The following PTGFRN variants were observed in gnomAD, a reference collection of about 807,000 sequenced individuals.
The protein encoded by PTGFRN is prostaglandin F2 receptor negative regulator.
In PTGFRN, 35 loss-of-function variants were observed where a neutral mutation model predicts 83.2. The observed-to-expected ratio is 0.42, with a 90% CI of 0.32 to 0.56. The LOEUF (loss-of-function observed/expected upper bound fraction) is 0.56, where lower values mean the gene tolerates loss of function less well. Ranked by LOEUF, PTGFRN falls within the 20% of genes least tolerant of loss-of-function variation. The probability of loss-of-function intolerance (pLI) is 0.11; values close to 1 mark genes in which losing one functional copy is unlikely to be tolerated. For synonymous variants in PTGFRN, 519 were observed against 498.6 expected (o/e 1.04, Z -0.55); for missense variants, 1,051 against 1,179.5 (o/e 0.89, Z 1.60).
intron 4 of PTGFRN, among the ~76,000 whole-genome samples, chr1:116,960,867 A>T (rs1376585448): frequency 2.6e-5 from 4 of 152,116 alleles, no homozygotes; most frequent in Non-Finnish European, 2.9e-5. Context: ...CTTACTTGGC[A>T]TTCCAGAGCA....
intron 7 of PTGFRN, among the ~76,000 whole-genome samples, chr1:116,980,379 A>G (rs7552382): frequency 0.34 from 51,941 of 152,148 alleles, 9,240 homozygotes; most frequent in East Asian, 0.46. Flanking sequence ...AGGATTATAA[A>G]TAAATCTGCT....
intron 7 of PTGFRN, among the ~76,000 whole-genome samples, chr1:116,982,033 C>G (rs183620968): frequency 6.6e-6 from 1 of 152,218 alleles, no homozygotes; most frequent in Non-Finnish European, 1.5e-5. Flanking sequence ...GAAGCCACTC[C>G]TGTACCTGAG....
At chr1:116,953,580 G>A (rs1650402818) in intron 4 of PTGFRN, among the ~76,000 whole-genome samples, 1 of 151,950 alleles carries the variant, frequency 6.6e-6, no homozygotes, top group African/African-American at 2.4e-5. Context: ...TTTCTTGGTG[G>A]TGGCGATGAT....
At chr1:116,932,594 G>C (rs1471463699) in intron 1 of PTGFRN, among the ~76,000 whole-genome samples, 1 of 150,488 alleles carries the variant, frequency 6.6e-6, no homozygotes, top group Admixed American at 6.6e-5. Flanking sequence ...AAAAATTTTT[G>C]AAGAAATTTT....
intron 1 of PTGFRN, among the ~76,000 whole-genome samples, chr1:116,913,155 G>T (rs561522616): frequency 6.6e-6 from 1 of 152,216 alleles, no homozygotes; most frequent in Non-Finnish European, 1.5e-5. Context: ...CTAACCACAG[G>T]ACTGAATGAA....
At chr1:116,977,166 G>T (rs1285614907) in intron 7 of PTGFRN, among the ~76,000 whole-genome samples, 1 of 152,138 alleles carries the variant, frequency 6.6e-6, no homozygotes, top group Non-Finnish European at 1.5e-5. Flanking sequence ...TCAACAAGAA[G>T]AACTAACTAT....
chr1:116,973,376 G>A (rs570613425), intron 6 of PTGFRN, among the ~76,000 whole-genome samples: 17 of 152,014 alleles, frequency 1.1e-4, no homozygotes, highest in Non-Finnish European at 1.0e-4. Flanking sequence ...TTTGGGAGGC[G>A]GGCAGATCAC....
chr1:116,948,761 A>G (rs1246795175), intron 3 of PTGFRN, among the ~76,000 whole-genome samples: 1 of 152,252 alleles, frequency 6.6e-6, no homozygotes, highest in Non-Finnish European at 1.5e-5. Flanking sequence ...AAAAGATAGC[A>G]TAACAGTGAA....
chr1:116,987,930 G>T lies in PTGFRN; in HGVS notation c.*963G>T, dbSNP rs1651555837. On this transcript the variant is annotated 3_prime_UTR_variant, in exon 9 of 9. Coordinates refer to ENST00000393203, the MANE Select transcript of PTGFRN (RefSeq NM_020440.4). The stretch of plus-strand genomic sequence containing the variant: ...AGGGTCAGAGTGGTGCCAGGTGCAA[G>T]TTAGGCTAAAGAAGCCACCACTATT... The T allele has an allele frequency of 6.6e-6, 1 of 152,248 alleles. No homozygotes were observed. The highest frequency in any genetic ancestry group is 1.5e-5 in the Non-Finnish European group (1 of 68,050). 9.4% of individuals were successfully genotyped at this position (152,248 alleles called of 1,614,324 possible). A position where few individuals can be genotyped will look rare whatever the true frequency, so the allele number is the denominator to read the frequency against.
chr1:116,966,758 C>G (rs193095484), intron 5 of PTGFRN, among the ~76,000 whole-genome samples, 153 bp from the exon 6 acceptor site: 33 of 152,346 alleles, frequency 2.2e-4, no homozygotes, highest in Admixed American at 1.6e-3. Flanking sequence ...TATAGATACA[C>G]ATGATTTTCT....
Position 116,986,931 on chromosome 1 carries a change from CGAGCG to C in PTGFRN, c.2605_2609del (p.Glu869ProfsTer35). 6.2e-7 allele frequency: 1 copy of C among 1,614,244 alleles called. No individual in the cohort carries two copies. The highest frequency in any genetic ancestry group is 8.5e-7 in the Non-Finnish European group (1 of 1,180,046). ...AGAAGGAGGTTCAGGAGACACGGCG[CGAGCG>C]CCGCAGGCTCATGTCGATGGAGATG... On this transcript the variant is annotated frameshift_variant, in exon 9 of 9. Transcript: ENST00000393203. LOFTEE classifies it high-confidence loss of function.
At chr1:116,966,855 AT>A in intron 5 of PTGFRN, 55 bp from the exon 6 acceptor site, 1 of 1,510,294 alleles carries the variant, frequency 6.6e-7, no homozygotes. Context: ...TTTTAGTTGC[AT>A]TTTTATTTTA....
chr1:116,954,767 C>CT (rs35112973), intron 4 of PTGFRN, among the ~76,000 whole-genome samples: 92,288 of 152,040 alleles, frequency 0.61, 28,861 homozygotes, highest in Admixed American at 0.69. Context: ...AGGCCTTAGT[C>CT]TTCTAACTTA....
rs1044431822 is a variant in PTGFRN, at chr1:116,910,018, G to A, written c.-186G>A. On this transcript the variant is annotated 5_prime_UTR_variant, in exon 1 of 9. Coordinates refer to ENST00000393203, the MANE Select transcript of PTGFRN (RefSeq NM_020440.4). ...GAGGGAGGGAAGGAGGCGGGAGGGA[G>A]CGAGCGGAGCCAGGGGCGCACGTAC... 2.9e-6 allele frequency: 2 copies of A among 689,694 alleles called. No individual in the cohort carries two copies. Among genetic ancestry groups the A allele is most frequent in the Admixed American group, 4.5e-5 (2 of 44,880 alleles). The allele number at this position is 689,694 out of a possible 1,614,324, so 42.7% of individuals were successfully genotyped here.
chr1:116,980,503 C>T (rs1233635511), intron 7 of PTGFRN, among the ~76,000 whole-genome samples: 1 of 152,170 alleles, frequency 6.6e-6, no homozygotes, highest in Non-Finnish European at 1.5e-5. Flanking sequence ...GGCACATATA[C>T]ACCATGGAAT....
In PTGFRN at chr1:116,983,498, CAAAAAAAAAA is replaced by C. The variant is rs71096893; in HGVS notation, c.2168-1167_2168-1158del. Among the ~76,000 whole-genome samples the C allele has an allele frequency of 1.3e-3, 135 of 104,016 alleles. 1 individual carries two copies. The highest frequency in any genetic ancestry group is 5.3e-3 in the Middle Eastern group (1 of 188). The allele number at this position is 104,016 out of a possible 152,430, so 68.2% of individuals were successfully genotyped here. On this transcript the variant is annotated intron_variant, in intron 7 of 8. Coordinates refer to ENST00000393203, the MANE Select transcript of PTGFRN (RefSeq NM_020440.4). ...AGTTTCCTTGGAGAGACACTGGGAA[CAAAAAAAAAA>C]AAAAAAAAAAAAAATTATGCTCAAG...
At chr1:116,965,429 A>G (rs1650796301) in intron 5 of PTGFRN, among the ~76,000 whole-genome samples, 2 of 152,114 alleles carry the variant, frequency 1.3e-5, no homozygotes, top group African/African-American at 4.8e-5. Flanking sequence ...CTATAGGCAC[A>G]TGCTCTGTGC....
chr1:116,975,150 A>C (rs1651110569), intron 7 of PTGFRN, among the ~76,000 whole-genome samples: 1 of 152,216 alleles, frequency 6.6e-6, no homozygotes, highest in Admixed American at 6.5e-5. Context: ...CTGAGATCGA[A>C]CTGCAAGGTG....
rs1211360781 is a variant in PTGFRN, at chr1:116,989,661, A to G, written c.*2694A>G. ...GCTATGTTCAGATAGAAGCCTCGAA[A>G]TTCCTGTAAATTGTTTACTTTATGA... is the stretch of plus-strand genomic sequence containing the variant. On this transcript the variant is annotated 3_prime_UTR_variant, in exon 9 of 9. Coordinates refer to ENST00000393203, the MANE Select transcript of PTGFRN (RefSeq NM_020440.4). The G allele has an allele frequency of 6.6e-6, 1 of 152,616 alleles. No homozygotes were observed. Among genetic ancestry groups the G allele is most frequent in the African/African-American group, 2.4e-5 (1 of 41,424 alleles). 9.5% of individuals were successfully genotyped at this position (152,616 alleles called of 1,614,324 possible).
Sources: allele counts gnomAD v4.1 joint callset (sites outside exome capture counted in the v4.1 genomes callset), GRCh38; gene constraint gnomAD v4.1.1; transcripts MANE v1.5; gene names NCBI Gene and HGNC (gene_info 2026-07-23, HGNC 2026-07-21).